NRXN1: variants seen among roughly 807,000 people sequenced by gnomAD.
NRXN1 encodes neurexin 1, also known as neurexin-1.
Under a neutral mutation model 150.9 loss-of-function variants are expected in NRXN1, and 39 were observed. That is an observed-to-expected ratio of 0.26 (90% CI 0.20 to 0.34). The LOEUF (loss-of-function observed/expected upper bound fraction) is 0.34. Ranked by LOEUF, NRXN1 falls within the 10% of genes least tolerant of loss-of-function variation. The pLI, the probability that NRXN1 is intolerant of heterozygous loss-of-function variation, is 1.00. For synonymous variants in NRXN1, 924 were observed against 757.0 expected (o/e 1.22, Z -3.62); for missense variants, 1,815 against 1,949.9 (o/e 0.93, Z 1.30).
At chr2:50,676,341 TC>T (rs1689540100) in intron 5 of NRXN1, among the ~76,000 whole-genome samples, 2 of 152,262 alleles carry the variant, frequency 1.3e-5, no homozygotes, top group East Asian at 1.9e-4. Context: ...CCTTAGGTAT[TC>T]CTTTATAGCA....
intron 9 of NRXN1, among the ~76,000 whole-genome samples, chr2:50,546,991 A>G (rs2105311809): frequency 6.6e-6 from 1 of 152,296 alleles, no homozygotes; most frequent in African/African-American, 2.4e-5. Flanking sequence ...TGATTCATGA[A>G]TGGTGTACAC....
At chr2:50,796,589 C>T (rs375677529) in intron 5 of NRXN1, among the ~76,000 whole-genome samples, 64 of 152,120 alleles carry the variant, frequency 4.2e-4, no homozygotes, top group African/African-American at 1.4e-3. Flanking sequence ...TGGCTTTCCC[C>T]TAAGTGATAA....
chr2:50,807,579 C>G (rs572239908), intron 5 of NRXN1, among the ~76,000 whole-genome samples: 2 of 152,038 alleles, frequency 1.3e-5, no homozygotes, highest in Non-Finnish European at 2.9e-5. Flanking sequence ...AACAGTGTTT[C>G]CCCAGCAGAA....
At chr2:50,767,673 A>G (rs1667259090) in intron 5 of NRXN1, among the ~76,000 whole-genome samples, 1 of 152,086 alleles carries the variant, frequency 6.6e-6, no homozygotes, top group Admixed American at 6.6e-5. Flanking sequence ...TTGCTAAACA[A>G]TAGTTCTTTA....
At chr2:50,903,998 C>T (rs1207170283) in intron 5 of NRXN1, among the ~76,000 whole-genome samples, 1 of 152,076 alleles carries the variant, frequency 6.6e-6, no homozygotes, top group South Asian at 2.1e-4. Flanking sequence ...AATGTTAAAA[C>T]AGAGAAAAGA....
intron 18 of NRXN1, among the ~76,000 whole-genome samples, chr2:50,192,168 A>T (rs1411640551): frequency 1.3e-5 from 2 of 152,214 alleles, no homozygotes; most frequent in East Asian, 3.8e-4. Flanking sequence ...TAATTTATTC[A>T]ATTTCAGTAT....
At chr2:50,577,439 C>T (rs1438512400) in intron 8 of NRXN1, among the ~76,000 whole-genome samples, 1 of 151,338 alleles carries the variant, frequency 6.6e-6, no homozygotes, top group African/African-American at 2.4e-5. Context: ...ATTGATTTCC[C>T]GCAGTATCAC....
At chr2:50,323,571 CTATATA>C (rs149609146) in intron 17 of NRXN1, among the ~76,000 whole-genome samples, 1 of 144,324 alleles carries the variant, frequency 6.9e-6, no homozygotes, top group Non-Finnish European at 1.5e-5. Flanking sequence ...GGGAAATAAA[CTATATA>C]TATATATATA....
intron 17 of NRXN1, among the ~76,000 whole-genome samples, chr2:50,379,899 C>G (rs1229910324): frequency 6.6e-6 from 1 of 152,074 alleles, no homozygotes; most frequent in African/African-American, 2.4e-5. Context: ...TATAGCCTAA[C>G]CCTTTGAGAA....
chr2:50,970,327 G>C (rs1694808222), intron 2 of NRXN1, among the ~76,000 whole-genome samples: 1 of 152,052 alleles, frequency 6.6e-6, no homozygotes, highest in Non-Finnish European at 1.5e-5. Flanking sequence ...TTCTGAGGCT[G>C]CTGCTGAGGC....
intron 5 of NRXN1, among the ~76,000 whole-genome samples, chr2:50,896,767 A>T (rs2103899543): frequency 6.6e-6 from 1 of 152,020 alleles, no homozygotes; most frequent in African/African-American, 2.4e-5. Context: ...GAATCGCTTG[A>T]GCCCGGGAGG....
intron 5 of NRXN1, among the ~76,000 whole-genome samples, chr2:50,639,202 T>TTTTC (rs748620258): frequency 1.4e-3 from 179 of 127,904 alleles, no homozygotes; most frequent in African/African-American, 2.2e-3. Context: ...TTTATCATTT[T>TTTTC]TTTCTTTCTT....
chr2:50,896,263 G>A (rs1384062666), intron 5 of NRXN1, among the ~76,000 whole-genome samples: 3 of 152,116 alleles, frequency 2.0e-5, no homozygotes, highest in Non-Finnish European at 2.9e-5. Context: ...TGGGAAGAGA[G>A]CCAAAAACAT....
At chr2:50,545,583 A>T (rs2093476249) in intron 9 of NRXN1, among the ~76,000 whole-genome samples, 2 of 152,202 alleles carry the variant, frequency 1.3e-5, no homozygotes, top group African/African-American at 4.8e-5. Flanking sequence ...CATAACAGCA[A>T]TGTATAAAAC....
At chr2:49,955,750 A>G (rs916339212) in intron 21 of NRXN1, among the ~76,000 whole-genome samples, 33 of 152,238 alleles carry the variant, frequency 2.2e-4, no homozygotes, top group African/African-American at 7.7e-4. Context: ...GTTTTCCTTC[A>G]AAATCTAACT....
intron 21 of NRXN1, among the ~76,000 whole-genome samples, chr2:50,012,331 T>C (rs1685832990): frequency 1.3e-5 from 2 of 152,156 alleles, no homozygotes; most frequent in South Asian, 4.1e-4. Flanking sequence ...TTTTTAAATC[T>C]GATATTTGTA....
chr2:50,946,218 C>T (rs1048468546), intron 2 of NRXN1, among the ~76,000 whole-genome samples: 3 of 152,014 alleles, frequency 2.0e-5, no homozygotes, highest in Non-Finnish European at 2.9e-5. Context: ...TTTGGAAATG[C>T]TGCATACGAC....
intron 5 of NRXN1, among the ~76,000 whole-genome samples, chr2:50,780,447 G>C (rs1704216828): frequency 1.3e-5 from 2 of 151,980 alleles, no homozygotes; most frequent in South Asian, 2.1e-4. Flanking sequence ...TATTTTATGA[G>C]TCTATATTAT....
chr2:50,956,062 T>C (rs1692232727), intron 2 of NRXN1, among the ~76,000 whole-genome samples: 2 of 152,104 alleles, frequency 1.3e-5, no homozygotes. Context: ...GTCCAGTTAG[T>C]TCTTCCAGGG....
Sources: gnomAD v4.1 joint callset for allele counts (sites outside exome capture counted in the v4.1 genomes callset) on GRCh38, gnomAD v4.1.1 for gene constraint, MANE v1.5 for transcripts, NCBI Gene and HGNC (gene_info 2026-07-23, HGNC 2026-07-21) for gene names.